SIGLEC15: variants seen among roughly 807,000 people sequenced by gnomAD.
SIGLEC15 encodes the protein sialic acid-binding Ig-like lectin 15.
SIGLEC15 carries 31 observed loss-of-function variants against 26.2 expected under a neutral mutation model. That is an observed-to-expected ratio of 1.18 (90% CI 0.89 to 1.60). The LOEUF (loss-of-function observed/expected upper bound fraction) is 1.60, where lower values mean the gene tolerates loss of function less well. Among genes scored for constraint, SIGLEC15 ranks in the 40% most tolerant of loss-of-function variants. The probability of loss-of-function intolerance (pLI) is 0.00; values close to 1 mark genes in which losing one functional copy is unlikely to be tolerated. For synonymous variants in SIGLEC15, 207 were observed against 221.9 expected (o/e 0.93, Z 0.60); for missense variants, 501 against 488.4 (o/e 1.03, Z -0.24).
chr18:45,828,843 C>T (rs1428154704), intron 1 of SIGLEC15, among the ~76,000 whole-genome samples: 1 of 152,196 alleles, frequency 6.6e-6, no homozygotes, highest in African/African-American at 2.4e-5. Flanking sequence ...CAAATAGCAG[C>T]GGTCACCCAA....
chr18:45,837,025 G>C lies in SIGLEC15; in HGVS notation c.53-4G>C, dbSNP rs1266936974. 7.2e-7 allele frequency: 1 copy of C among 1,383,466 alleles called. No individual in the cohort carries two copies. Among genetic ancestry groups the C allele is most frequent in the Admixed American group, 1.7e-5 (1 of 59,690 alleles). 85.7% of individuals were successfully genotyped at this position (1,383,466 alleles called of 1,614,324 possible). On this transcript the variant is annotated splice_polypyrimidine_tract_variant and splice_region_variant and intron_variant, in intron 1 of 5. Coordinates refer to ENST00000389474, the MANE Select transcript of SIGLEC15 (RefSeq NM_213602.3). Reference sequence around the variant, plus strand: ...AACCCGGGGTTAACTGTGTTTATCTGTAGGCTCATTTGTGAGAACTAAAAT... The same window carrying C: ...AACCCGGGGTTAACTGTGTTTATCTCTAGGCTCATTTGTGAGAACTAAAAT...
intron 1 of SIGLEC15, among the ~76,000 whole-genome samples, chr18:45,836,389 T>C (rs1279979147): frequency 6.6e-6 from 1 of 151,832 alleles, no homozygotes; most frequent in African/African-American, 2.4e-5. Flanking sequence ...AAAGATCCTT[T>C]TGTGAACTGC....
Position 45,843,653 on chromosome 18 carries a change from T to C in SIGLEC15, c.*1466T>C, listed in dbSNP as rs534543. On this transcript the variant is annotated 3_prime_UTR_variant, in exon 6 of 6. Coordinates refer to ENST00000389474, the MANE Select transcript of SIGLEC15 (RefSeq NM_213602.3). ...CAGCACCCTGGGAGGCCGAGGCAGG[T>C]GGATCACTTGAGGTCAGGAGTTCGA... 0.13 allele frequency: 19,731 copies of C among 152,192 alleles called. 3,266 individuals carry two copies. The highest frequency in any genetic ancestry group is 0.39 in the African/African-American group (16,181 of 41,476). The allele number at this position is 152,192 out of a possible 1,614,324, so 9.4% of individuals were successfully genotyped here.
chr18:45,837,815 C>G lies in SIGLEC15; in HGVS notation c.415C>G (p.Arg139Gly), dbSNP rs1177695242. The change falls in exon 3 of 6, where the codon CGC (arginine) becomes GGC (glycine). Residue 139 changes from arginine (R) to glycine (G), a missense_variant. Transcript: ENST00000389474. ...VERLALADDR[R>G]YFCRVEFAGD... is the part of the protein sequence containing the mutation. The stretch of plus-strand genomic sequence containing the variant: ...GCGCCTCGCCCTGGCTGACGACCGC[C>G]GCTACTTCTGCCGCGTCGAGTTCGC... 6.5e-7 allele frequency: 1 copy of G among 1,533,210 alleles called. No homozygotes were observed. Among genetic ancestry groups the G allele is most frequent in the Non-Finnish European group, 8.7e-7 (1 of 1,150,018 alleles). 95.0% of individuals were successfully genotyped at this position (1,533,210 alleles called of 1,614,324 possible).
chr18:45,840,249 A>G lies in SIGLEC15; in HGVS notation c.905+8A>G. 1 of 1,610,924 alleles carries G rather than the reference A, an allele frequency of 6.2e-7. No homozygotes were observed. Among genetic ancestry groups the G allele is most frequent in the Non-Finnish European group, 8.5e-7 (1 of 1,178,514 alleles). On this transcript the variant is annotated splice_region_variant and intron_variant, in intron 5 of 5. Coordinates refer to ENST00000389474, the MANE Select transcript of SIGLEC15 (RefSeq NM_213602.3). ...CCCGGACACCCCACCACGGTAAGTG[A>G]GCTCCCCGCCTCCACCCTACCCTAC... is the stretch of plus-strand genomic sequence containing the variant.
chr18:45,842,415 G>T lies in SIGLEC15; in HGVS notation c.*228G>T, dbSNP rs1220719137. 3 of 569,256 alleles carry T rather than the reference G, an allele frequency of 5.3e-6. No homozygotes were observed. Among genetic ancestry groups the T allele is most frequent in the Admixed American group, 3.1e-5 (1 of 32,670 alleles). The allele number at this position is 569,256 out of a possible 1,614,324, so 35.3% of individuals were successfully genotyped here. A position where few individuals can be genotyped will look rare whatever the true frequency, so the allele number is the denominator to read the frequency against. On this transcript the variant is annotated 3_prime_UTR_variant, in exon 6 of 6. Transcript: ENST00000389474. The stretch of plus-strand genomic sequence containing the variant: ...ATTTTTGCCAGCATTTCGTAAATGT[G>T]CATACGTCTGTGTGTGTGTGTGTGT...
chr18:45,838,174 A>G (rs1700152630), intron 3 of SIGLEC15, among the ~76,000 whole-genome samples: 1 of 152,210 alleles, frequency 6.6e-6, no homozygotes, highest in South Asian at 2.1e-4. Flanking sequence ...TGGCTCTCAG[A>G]CGAAGAGGCG....
In SIGLEC15 at chr18:45,837,759, C is replaced by T. The variant is rs1286018613; in HGVS notation, c.359C>T (p.Pro120Leu). ...GGCCGCTTCCGGCTGCTGGGCAACCCGCGCCGCAACGACCTCTCGCTGCGC... is the reference window on the plus strand; with the variant it reads ...GGCCGCTTCCGGCTGCTGGGCAACCTGCGCCGCAACGACCTCTCGCTGCGC... ...LHGRFRLLGN[P>L]RRNDLSLRVE... Residue 120 changes from proline to leucine, a missense_variant, in exon 3 of 6, where the codon CCG (proline) becomes CTG (leucine). By Grantham distance (98) the Pro-to-Leu change is moderately conservative. Transcript: ENST00000389474. 15 of 1,519,396 alleles carry T rather than the reference C, an allele frequency of 9.9e-6. No individual in the cohort carries two copies. Among genetic ancestry groups the T allele is most frequent in the Non-Finnish European group, 1.3e-5 (15 of 1,142,210 alleles). The allele number at this position is 1,519,396 out of a possible 1,614,324, so 94.1% of individuals were successfully genotyped here.
Position 45,838,875 on chromosome 18 carries a change from C to T in SIGLEC15, c.654C>T (p.His218=). The stretch of plus-strand genomic sequence containing the variant: ...CCGTGCGGAGCCCGCGTGAGGGTCA[C>T]GGCCACCTAGTGACCGCCGAACTGC... ...LAAVRSPREG[H]GHLVTAELPA... is the part of the protein sequence containing the mutation. Residue 218 remains histidine (H), a synonymous_variant, in exon 4 of 6, where the codon CAC becomes CAT. Transcript: ENST00000389474. 1 of 1,589,290 alleles carries T rather than the reference C, an allele frequency of 6.3e-7. No homozygotes were observed. Among genetic ancestry groups the T allele is most frequent in the South Asian group, 1.1e-5 (1 of 88,576 alleles).
At chr18:45,826,507 C>A (rs2048186254) in intron 1 of SIGLEC15, among the ~76,000 whole-genome samples, 3 of 152,168 alleles carry the variant, frequency 2.0e-5, no homozygotes, top group African/African-American at 7.2e-5. Context: ...ATTTTCACCA[C>A]CTTCTTGGGT....
chr18:45,831,170 C>T (rs2048232209), intron 1 of SIGLEC15, among the ~76,000 whole-genome samples: 1 of 152,168 alleles, frequency 6.6e-6, no homozygotes, highest in Non-Finnish European at 1.5e-5. Context: ...GGCAGTGAAC[C>T]CCTCCATGGT....
intron 1 of SIGLEC15, among the ~76,000 whole-genome samples, chr18:45,828,209 C>T (rs961203475): frequency 9.2e-5 from 14 of 152,322 alleles, no homozygotes; most frequent in African/African-American, 3.1e-4. Context: ...CGCAGGCCCG[C>T]CAGTCGTGGT....
Position 45,830,624 on chromosome 18 carries a change from C to T in SIGLEC15, c.52+4844C>T, listed in dbSNP as rs546983789. Among the ~76,000 whole-genome samples, 5 of 116,830 alleles carry T rather than the reference C, an allele frequency of 4.3e-5. No homozygotes were observed. In the Admixed American group the frequency reaches 4.8e-4, roughly 11 times the overall value. The allele number at this position is 116,830 out of a possible 152,430, so 76.6% of individuals were successfully genotyped here. On this transcript the variant is annotated intron_variant, in intron 1 of 5. Transcript: ENST00000389474. ...TTTTTGAGACGGAGTCTCGCTCTGT[C>T]ACCCAGGCTGGAGTGCAGTGGCACC...
chr18:45,839,127 G>GGGGCC, intron 4 of SIGLEC15, 32 bp downstream of exon 4: 1 of 1,360,036 alleles, frequency 7.4e-7, no homozygotes. Flanking sequence ...GTGGCCGCGA[G>GGGGCC]GGGCCGGGCC....
chr18:45,826,769 T>C (rs532263170), intron 1 of SIGLEC15, among the ~76,000 whole-genome samples: 1 of 152,250 alleles, frequency 6.6e-6, no homozygotes, highest in East Asian at 1.9e-4. Context: ...CCCTTTGCCC[T>C]CCCATCTGGC....
chr18:45,828,031 A>C (rs961255110), intron 1 of SIGLEC15, among the ~76,000 whole-genome samples: 10 of 152,222 alleles, frequency 6.6e-5, no homozygotes, highest in Non-Finnish European at 1.5e-4. Flanking sequence ...AGGGTGGTCC[A>C]GGCCCCCACT....
rs751178890 is a variant in SIGLEC15, at chr18:45,842,297, G to A, written c.*110G>A. On this transcript the variant is annotated 3_prime_UTR_variant, in exon 6 of 6. Transcript: ENST00000389474. ...TTCTCGGGCACCTTGGCAGCCCCCA[G>A]CTGGGTGGCTCCTCCCCTGCTCAAG... is the stretch of plus-strand genomic sequence containing the variant. 5.0e-6 allele frequency: 6 copies of A among 1,202,188 alleles called. No homozygotes were observed. Among genetic ancestry groups the A allele is most frequent in the Non-Finnish European group, 7.3e-6 (6 of 823,274 alleles). 74.5% of individuals were successfully genotyped at this position (1,202,188 alleles called of 1,614,324 possible).
rs557605072 is a variant in SIGLEC15, at chr18:45,837,847, C to A, written c.447C>A (p.Asp149Glu). Residue 149 changes from aspartate (D) to glutamate (E), a missense_variant, in exon 3 of 6, where the codon GAC (aspartate) becomes GAA (glutamate). Asp to Glu is a conservative substitution (Grantham distance 45, BLOSUM62 2). Transcript: ENST00000389474. ...TCTGCCGCGTCGAGTTCGCCGGCGA[C>A]GTCCATGACCGCTACGAGAGCCGCC... is the stretch of plus-strand genomic sequence containing the variant. ...RYFCRVEFAG[D>E]VHDRYESRHG... 392 of 1,537,508 alleles carry A rather than the reference C, an allele frequency of 2.5e-4. No homozygotes were observed. The highest frequency in any genetic ancestry group is 1.0e-5 in the Non-Finnish European group (12 of 1,152,562).
intron 1 of SIGLEC15, among the ~76,000 whole-genome samples, chr18:45,828,201 C>G (rs139257379): frequency 4.8e-4 from 73 of 152,322 alleles, no homozygotes; most frequent in Non-Finnish European, 9.6e-4. Context: ...TGTGCCAACG[C>G]AGGCCCGCCA....
Sources: allele counts gnomAD v4.1 joint callset (sites outside exome capture counted in the v4.1 genomes callset), GRCh38; gene constraint gnomAD v4.1.1; transcripts MANE v1.5; gene names NCBI Gene and HGNC (gene_info 2026-07-23, HGNC 2026-07-21).